HPSE2: variants seen among roughly 807,000 people sequenced by gnomAD.
The protein encoded by HPSE2 is heparanase 2 (inactive), also known as inactive heparanase-2.
HPSE2 carries 38 observed loss-of-function variants against 60.5 expected under a neutral mutation model. The observed-to-expected ratio is 0.63, with a 90% confidence interval of 0.48 to 0.82. The LOEUF is 0.82. Among genes scored for constraint, HPSE2 ranks in the 40% least tolerant of loss-of-function variants. HPSE2 has a pLI of 0.00. For missense variants in HPSE2, 713 were observed against 740.4 expected, an observed-to-expected ratio of 0.96 and a Z score of 0.43; for synonymous variants, 295 against 293.2, an observed-to-expected ratio of 1.01 and a Z score of -0.06.
chr10:98,598,241 G>A (rs953844078), intron 9 of HPSE2, among the ~76,000 whole-genome samples: 3 of 152,116 alleles, frequency 2.0e-5, no homozygotes, highest in Non-Finnish European at 4.4e-5. Context: ...CAGCCCATCT[G>A]GAGATTCTGG....
chr10:98,732,034 C>A (rs1311733387), intron 4 of HPSE2, among the ~76,000 whole-genome samples: 1 of 151,924 alleles, frequency 6.6e-6, no homozygotes, highest in African/African-American at 2.4e-5. Context: ...ACTTCCATTC[C>A]CAATTGCATC....
At chr10:99,069,829 A>G (rs1842730469) in intron 3 of HPSE2, among the ~76,000 whole-genome samples, 1 of 152,076 alleles carries the variant, frequency 6.6e-6, no homozygotes, top group African/African-American at 2.4e-5. Flanking sequence ...CTGTAAGAGT[A>G]GCAGCTTCTC....
intron 2 of HPSE2, among the ~76,000 whole-genome samples, chr10:99,190,683 G>A (rs575290407): frequency 7.9e-5 from 12 of 152,260 alleles, no homozygotes; most frequent in African/African-American, 1.9e-4. Context: ...AATTGTGTTC[G>A]CCCTTCCGCC....
At chr10:98,538,144 C>T (rs1435362686) in intron 9 of HPSE2, among the ~76,000 whole-genome samples, 1 of 152,122 alleles carries the variant, frequency 6.6e-6, no homozygotes, top group Non-Finnish European at 1.5e-5. Context: ...TCATCGAGCC[C>T]AGCTGTTTGG....
chr10:98,895,677 A>G (rs1590033094), intron 3 of HPSE2, among the ~76,000 whole-genome samples: 1 of 151,832 alleles, frequency 6.6e-6, no homozygotes, highest in South Asian at 2.1e-4. Flanking sequence ...AAAGACTTGG[A>G]ACCAACCCAA....
chr10:98,904,202 C>T (rs972044687), intron 3 of HPSE2, among the ~76,000 whole-genome samples: 2 of 151,996 alleles, frequency 1.3e-5, no homozygotes, highest in Admixed American at 1.3e-4. Context: ...GCTTTAAAAT[C>T]TGAGAAAAAT....
intron 5 of HPSE2, among the ~76,000 whole-genome samples, chr10:98,703,607 T>C (rs1948470289): frequency 6.6e-6 from 1 of 152,120 alleles, no homozygotes. Flanking sequence ...GATGCAGGGC[T>C]GGTTCAACAT....
the HPSE2 span, among the ~76,000 whole-genome samples, chr10:99,279,164 A>G: frequency 3.3e-5 from 5 of 152,188 alleles, no homozygotes; most frequent in African/African-American, 9.6e-5. Context: ...TCTTTTTGAT[A>G]GAAGACAGAA....
Position 98,935,804 on chromosome 10 carries a change from G to A in HPSE2, c.611-191748C>T, listed in dbSNP as rs538564223. ...AGGAGGCAGTCTGTCCCTTAGCAGA[G>A]CTGGTGTGCTGTGCTGGGGGAAATC... On this transcript the variant is annotated intron_variant, in intron 3 of 11. Coordinates refer to ENST00000370552, the MANE Select transcript of HPSE2 (RefSeq NM_021828.5). Among the ~76,000 whole-genome samples the A allele has an allele frequency of 6.4e-4, 93 of 145,198 alleles. 11 individuals carry two copies. Among genetic ancestry groups the A allele is most frequent in the South Asian group, 4.0e-3 (19 of 4,770 alleles).
At chr10:99,078,832 T>C (rs1423625729) in intron 3 of HPSE2, among the ~76,000 whole-genome samples, 1 of 152,230 alleles carries the variant, frequency 6.6e-6, no homozygotes, top group African/African-American at 2.4e-5. Context: ...AAAGGCCCTC[T>C]TCAATCAGCC....
At chr10:98,779,323 A>G (rs1217871927) in intron 3 of HPSE2, among the ~76,000 whole-genome samples, 3 of 152,176 alleles carry the variant, frequency 2.0e-5, no homozygotes, top group Non-Finnish European at 4.4e-5. Flanking sequence ...CAAAAGACTC[A>G]AAGCTCTTTC....
chr10:98,997,406 G>A (rs1435625472), intron 3 of HPSE2, among the ~76,000 whole-genome samples: 1 of 152,074 alleles, frequency 6.6e-6, no homozygotes, highest in Non-Finnish European at 1.5e-5. Context: ...TTCAGCCACT[G>A]TGCCCAGCCA....
At chr10:98,794,695 A>G (rs184773736) in intron 3 of HPSE2, among the ~76,000 whole-genome samples, 10 of 152,250 alleles carry the variant, frequency 6.6e-5, no homozygotes, top group Admixed American at 2.0e-4. Context: ...GATTCAGGTG[A>G]CACACGTTAT....
Position 98,490,139 on chromosome 10 carries a change from G to A in HPSE2, c.1378C>T (p.His460Tyr). The change falls in exon 10 of 12, where the codon CAT becomes TAT. Residue 460 changes from histidine to tyrosine, a missense_variant. Transcript: ENST00000370552. ...GGCTTCCGCTGGAGCCCAGCCACAT[G>A]CACAGCCAAGACTTTGGGGCCGATC... ...RLIGPKVLAV[H>Y]VAGLQRKPRP... 1 of 1,614,228 alleles carries A rather than the reference G, an allele frequency of 6.2e-7. No homozygotes were observed.
At chr10:99,048,976 G>A (rs936130964) in intron 3 of HPSE2, among the ~76,000 whole-genome samples, 2 of 152,154 alleles carry the variant, frequency 1.3e-5, no homozygotes, top group African/African-American at 4.8e-5. Flanking sequence ...ACTAACACAG[G>A]AACAGAAAAC....
At chr10:99,206,537 G>T (rs979895806) in intron 2 of HPSE2, among the ~76,000 whole-genome samples, 1 of 149,262 alleles carries the variant, frequency 6.7e-6, no homozygotes, top group Admixed American at 6.7e-5. Flanking sequence ...GGCTGCAGTG[G>T]TTGACAGAGC....
At chr10:98,503,921 A>C (rs1230535704) in intron 9 of HPSE2, among the ~76,000 whole-genome samples, 1 of 152,204 alleles carries the variant, frequency 6.6e-6, no homozygotes, top group Non-Finnish European at 1.5e-5. Flanking sequence ...ATACTGCTCA[A>C]GTGATGGGCA....
At chr10:98,488,651 G>A (rs1941530418) in intron 10 of HPSE2, among the ~76,000 whole-genome samples, 1 of 152,222 alleles carries the variant, frequency 6.6e-6, no homozygotes, top group South Asian at 2.1e-4. Flanking sequence ...GGTGCCAAGA[G>A]TAATTTTTCT....
Position 98,737,839 on chromosome 10 carries a change from T to C in HPSE2, c.784+6044A>G, listed in dbSNP as rs186628627. On this transcript the variant is annotated intron_variant, in intron 4 of 11. Transcript: ENST00000370552. ...GGAAATAAGAGAGGACACAAACAAG[T>C]GGAAAAACCTTCCATACTCATGAAT... is the stretch of plus-strand genomic sequence containing the variant. 1.4e-3 allele frequency among the ~76,000 whole-genome samples: 210 copies of C among 152,014 alleles called. 4 individuals are homozygous for C. The Middle Eastern group carries it at 0.024, about 17-fold the overall frequency.
Sources: allele counts gnomAD v4.1 joint callset (sites outside exome capture counted in the v4.1 genomes callset), GRCh38; gene constraint gnomAD v4.1.1; transcripts MANE v1.5; gene names NCBI Gene and HGNC (gene_info 2026-07-23, HGNC 2026-07-21).